Variants in TESK2 observed in about 807,000 individuals in gnomAD.
TESK2 encodes testis associated actin remodelling kinase 2, also known as dual specificity testis-specific protein kinase 2.
TESK2 carries 39 observed loss-of-function variants against 57.1 expected under a neutral mutation model. The ratio of observed to expected loss-of-function variants is 0.68; its 90% CI spans 0.53 to 0.89. The LOEUF (loss-of-function observed/expected upper bound fraction) is 0.89, where lower values mean the gene tolerates loss of function less well. Ranked by LOEUF, TESK2 falls within the 40% of genes least tolerant of loss-of-function variation. The pLI is 0.00. For missense variants in TESK2, 646 were observed against 732.1 expected (o/e 0.88, Z 1.36); for synonymous variants, 249 against 267.9 (o/e 0.93, Z 0.69).
intron 4 of TESK2, among the ~76,000 whole-genome samples, chr1:45,366,024 G>T (rs1349677473): frequency 2.0e-5 from 3 of 151,826 alleles, no homozygotes. Flanking sequence ...GGCCAGGCTG[G>T]TCTCAAACTC....
chr1:45,370,986 A>G (rs1302175224), intron 4 of TESK2, among the ~76,000 whole-genome samples: 1 of 152,184 alleles, frequency 6.6e-6, no homozygotes, highest in African/African-American at 2.4e-5. Context: ...ATAAACACCT[A>G]TCAACTGGGA....
chr1:45,380,286 C>G (rs1351354558), intron 4 of TESK2, among the ~76,000 whole-genome samples: 1 of 152,168 alleles, frequency 6.6e-6, no homozygotes, highest in Non-Finnish European at 1.5e-5. Flanking sequence ...CTCTCCTGAT[C>G]AGAGAGTACT....
chr1:45,359,658 G>A (rs1647593663), intron 4 of TESK2, among the ~76,000 whole-genome samples: 1 of 152,036 alleles, frequency 6.6e-6, no homozygotes, highest in African/African-American at 2.4e-5. Context: ...GAGGCTAGGA[G>A]TTCGAGACCA....
intron 8 of TESK2, 26 bp from the exon 9 acceptor site, chr1:45,346,805 G>C: frequency 6.2e-7 from 1 of 1,605,748 alleles, no homozygotes; most frequent in Middle Eastern, 1.7e-4. Flanking sequence ...GAAAGCATAG[G>C]TAGACAGTTC....
intron 4 of TESK2, among the ~76,000 whole-genome samples, chr1:45,372,435 C>T (rs1648227086): frequency 6.6e-6 from 1 of 151,776 alleles, no homozygotes. Flanking sequence ...AAAAATTAGC[C>T]GGGTGTGGTG....
intron 3 of TESK2, among the ~76,000 whole-genome samples, chr1:45,391,769 C>G (rs1244787862): frequency 6.6e-6 from 1 of 152,132 alleles, no homozygotes; most frequent in African/African-American, 2.4e-5. Flanking sequence ...TCTCTCCCTA[C>G]CTCCCACAGT....
intron 5 of TESK2, among the ~76,000 whole-genome samples, chr1:45,354,077 T>C (rs1376584157): frequency 6.6e-6 from 1 of 152,196 alleles, no homozygotes; most frequent in East Asian, 1.9e-4. Flanking sequence ...AGAAAACTGA[T>C]AGGCCCCTAT....
intron 2 of TESK2, among the ~76,000 whole-genome samples, chr1:45,448,330 G>A (rs1304026127): frequency 6.6e-6 from 1 of 151,302 alleles, no homozygotes; most frequent in African/African-American, 2.4e-5. Context: ...CAGATGGCAA[G>A]TAAGTATTTG....
intron 2 of TESK2, among the ~76,000 whole-genome samples, chr1:45,426,431 T>A (rs913783039): frequency 2.6e-5 from 4 of 152,166 alleles, no homozygotes; most frequent in African/African-American, 9.7e-5. Flanking sequence ...GACTCCTATC[T>A]CTAGCCATAT....
chr1:45,360,490 G>GT (rs1647639412), intron 4 of TESK2, among the ~76,000 whole-genome samples: 1 of 152,126 alleles, frequency 6.6e-6, no homozygotes, highest in South Asian at 2.1e-4. Flanking sequence ...GGAAACACTT[G>GT]TTTACTCTGT....
intron 2 of TESK2, among the ~76,000 whole-genome samples, chr1:45,427,234 CAAAAAAAAAAAAA>C (rs111269135): frequency 1.6e-3 from 210 of 129,326 alleles, no homozygotes; most frequent in Middle Eastern, 3.8e-3. Context: ...GACTCTGTCT[CAAAAAAAAAAAAA>C]AAAAAAAAAA....
At chr1:45,468,278 A>G (rs1557585281) in intron 1 of TESK2, among the ~76,000 whole-genome samples, 2 of 152,140 alleles carry the variant, frequency 1.3e-5, no homozygotes, top group African/African-American at 4.8e-5. Context: ...AGCTGAGATG[A>G]GTGGTAAGAA....
chr1:45,416,136 G>A (rs1314796661), intron 3 of TESK2, among the ~76,000 whole-genome samples: 1 of 124,396 alleles, frequency 8.0e-6, no homozygotes, highest in African/African-American at 3.0e-5. Context: ...AGGCTGGAGT[G>A]AAGTGGTATG....
chr1:45,471,354 A>G (rs1264613783), intron 1 of TESK2, among the ~76,000 whole-genome samples: 1 of 152,200 alleles, frequency 6.6e-6, no homozygotes, highest in Admixed American at 6.5e-5. Flanking sequence ...CACCTTTCCA[A>G]GAACTCAGTC....
chr1:45,395,594 CT>C (rs1649322870), intron 3 of TESK2, among the ~76,000 whole-genome samples: 1 of 136,762 alleles, frequency 7.3e-6, no homozygotes, highest in African/African-American at 3.6e-5. Flanking sequence ...ACACTCCTTT[CT>C]TTTCTTTTCT....
At chr1:45,475,063 CAA>C (rs58542898) in intron 1 of TESK2, among the ~76,000 whole-genome samples, 1,934 of 87,382 alleles carry the variant, frequency 0.022, 34 homozygotes, top group African/African-American at 0.052. Flanking sequence ...GACTCTATCT[CAA>C]AAAAAAAAAA....
intron 4 of TESK2, among the ~76,000 whole-genome samples, chr1:45,363,787 T>G (rs1647794567): frequency 1.3e-5 from 2 of 151,930 alleles, no homozygotes; most frequent in South Asian, 4.1e-4. Context: ...ATGGGCAGTA[T>G]AATATAGTGG....
At chr1:45,486,154 G>T (rs1164213341) in intron 1 of TESK2, among the ~76,000 whole-genome samples, 2 of 152,186 alleles carry the variant, frequency 1.3e-5, no homozygotes, top group Non-Finnish European at 1.5e-5. Context: ...ATCTCCATAT[G>T]ATGACTTTGT....
intron 3 of TESK2, among the ~76,000 whole-genome samples, chr1:45,394,816 G>A (rs893851649): frequency 6.8e-5 from 10 of 146,586 alleles, no homozygotes; most frequent in African/African-American, 2.3e-4. Context: ...TCAGCCTCCC[G>A]AGTAGCTGGG....
Sources: allele counts gnomAD v4.1 joint callset (sites outside exome capture counted in the v4.1 genomes callset), GRCh38; gene constraint gnomAD v4.1.1; transcripts MANE v1.5; gene names NCBI Gene and HGNC (gene_info 2026-07-23, HGNC 2026-07-21).